Variants in CFAP300 observed in about 807,000 individuals in gnomAD.
CFAP300 encodes cilia and flagella associated protein 300, also known as cilia- and flagella-associated protein 300.
CFAP300 carries 32 observed loss-of-function variants against 33.0 expected under a neutral mutation model. The ratio of observed to expected loss-of-function variants is 0.97; its 90% CI spans 0.73 to 1.30. The LOEUF is 1.30. Among genes scored for constraint, CFAP300 ranks in the 50% most tolerant of loss-of-function variants. The probability of loss-of-function intolerance (pLI) is 0.00; values close to 1 mark genes in which losing one functional copy is unlikely to be tolerated. For synonymous variants in CFAP300, 102 were observed against 106.8 expected, an observed-to-expected ratio of 0.95 and a Z score of 0.28; for missense variants, 356 against 318.1, an observed-to-expected ratio of 1.12 and a Z score of -0.90.
At chr11:102,071,598 G>A (rs1450256034) in intron 4 of CFAP300, among the ~76,000 whole-genome samples, 4 of 152,032 alleles carry the variant, frequency 2.6e-5, no homozygotes, top group African/African-American at 7.2e-5. Flanking sequence ...TTCAAATTTT[G>A]CTTTCAGGTA....
intron 5 of CFAP300, among the ~76,000 whole-genome samples, chr11:102,080,409 A>ATTTG (rs892450200): frequency 1.3e-4 from 19 of 151,428 alleles, no homozygotes; most frequent in Admixed American, 1.1e-3. Flanking sequence ...GTTTTTTGGG[A>ATTTG]TTTGTTTGTT....
At chr11:102,047,720 C>A (rs1591311202) in intron 1 of CFAP300, 95 bp from the exon 2 acceptor site, 1 of 1,499,842 alleles carries the variant, frequency 6.7e-7, no homozygotes. Context: ...CCCGAACCAC[C>A]CGGGAAGGGC....
chr11:102,076,254 C>T (rs776784115), intron 5 of CFAP300: 3 of 442,414 alleles, frequency 6.8e-6, no homozygotes, highest in Non-Finnish European at 1.1e-5. Flanking sequence ...GTTCTCAGTC[C>T]CCTCATTCTT....
At chr11:102,079,206 T>G (rs933650061) in intron 5 of CFAP300, among the ~76,000 whole-genome samples, 1 of 152,222 alleles carries the variant, frequency 6.6e-6, no homozygotes, top group African/African-American at 2.4e-5. Context: ...TTATGTATGT[T>G]TATACCATAT....
intron 4 of CFAP300, among the ~76,000 whole-genome samples, chr11:102,074,879 G>T (rs554149603): frequency 6.6e-6 from 1 of 152,002 alleles, no homozygotes; most frequent in Non-Finnish European, 1.5e-5. Flanking sequence ...ATTTTGGGGG[G>T]TGGTTTTAGT....
Position 102,083,077 on chromosome 11 carries a change from G to T in CFAP300, c.682G>T (p.Ala228Ser). The T allele has an allele frequency of 7.0e-7, 1 of 1,429,718 alleles. No homozygotes were observed. Among genetic ancestry groups the T allele is most frequent in the South Asian group, 1.9e-5 (1 of 52,786 alleles). The allele number at this position is 1,429,718 out of a possible 1,614,324, so 88.6% of individuals were successfully genotyped here. The change falls in exon 7 of 7, where the codon GCT becomes TCT. Residue 228 changes from alanine to serine, a missense_variant. Ala to Ser is a moderately conservative substitution (Grantham distance 99, BLOSUM62 1). Transcript: ENST00000434758. ...SVFKVSAYDS[A>S]GMCYPSAKNH... Reference sequence around the variant, plus strand: ...TTAGGTTTGTCTTTTTCAGGATTCTGCTGGTATGTGCTATCCTTCAGCAAA... The same window carrying T: ...TTAGGTTTGTCTTTTTCAGGATTCTTCTGGTATGTGCTATCCTTCAGCAAA...
At chr11:102,057,075 C>A (rs1221875179) in intron 2 of CFAP300, among the ~76,000 whole-genome samples, 1 of 151,822 alleles carries the variant, frequency 6.6e-6, no homozygotes, top group Non-Finnish European at 1.5e-5. Flanking sequence ...CGGTGACTCA[C>A]GCCTGTAATC....
chr11:102,065,298 G>A (rs1942205745), intron 3 of CFAP300, among the ~76,000 whole-genome samples: 1 of 151,852 alleles, frequency 6.6e-6, no homozygotes, highest in Admixed American at 6.6e-5. Context: ...ATCCAGGCTG[G>A]TCTCGAACTC....
chr11:102,082,402 G>C, intron 6 of CFAP300, among the ~76,000 whole-genome samples: 1 of 151,166 alleles, frequency 6.6e-6, no homozygotes, highest in South Asian at 2.1e-4. Context: ...AAAAAAAAAA[G>C]AGAAAACAAA....
chr11:102,047,741 G>C, intron 1 of CFAP300, 74 bp from the exon 2 acceptor site: 3 of 1,550,246 alleles, frequency 1.9e-6, no homozygotes, highest in Non-Finnish European at 2.6e-6. Context: ...GGATGCTGTG[G>C]GTGGGATCGG....
intron 6 of CFAP300, among the ~76,000 whole-genome samples, chr11:102,082,604 C>T (rs932247153): frequency 6.6e-6 from 1 of 152,042 alleles, no homozygotes; most frequent in African/African-American, 2.4e-5. Context: ...TAATTAACTG[C>T]CAATTTATTG....
At chr11:102,079,090 A>T (rs74389435) in intron 5 of CFAP300, among the ~76,000 whole-genome samples, 6,336 of 152,314 alleles carry the variant, frequency 0.042, 212 homozygotes, top group Admixed American at 0.12. Flanking sequence ...AACTGATTTG[A>T]TGAACACTTT....
chr11:102,064,385 A>G (rs1297580162), intron 3 of CFAP300, among the ~76,000 whole-genome samples: 6 of 152,044 alleles, frequency 3.9e-5, no homozygotes, highest in Non-Finnish European at 8.8e-5. Context: ...TCCTCTTATC[A>G]TTTCCTATGG....
chr11:102,057,521 A>G (rs772968957), intron 2 of CFAP300, among the ~76,000 whole-genome samples: 6 of 151,578 alleles, frequency 4.0e-5, no homozygotes, highest in African/African-American at 7.3e-5. Context: ...CTCTCAGTCT[A>G]TTATTTTTCT....
chr11:102,083,173 T>C lies in CFAP300; in HGVS notation c.778T>C (p.Cys260Arg), dbSNP rs770974418. 2.6e-6 allele frequency: 4 copies of C among 1,537,778 alleles called. No individual in the cohort carries two copies. The highest frequency in any genetic ancestry group is 3.5e-6 in the Non-Finnish European group (4 of 1,138,250). Reference sequence around the variant, plus strand: ...GCGTCACCTTCATGTTTTATACCACTGTTATGGTGTGGGAGACATGTCTTA... The same window carrying C: ...GCGTCACCTTCATGTTTTATACCACCGTTATGGTGTGGGAGACATGTCTTA... ...IRRHLHVLYH[C>R]YGVGDMS Residue 260 changes from cysteine to arginine, a missense_variant, in exon 7 of 7, where the codon TGT becomes CGT. By Grantham distance (180) the Cys-to-Arg change is radical. Coordinates refer to ENST00000434758, the MANE Select transcript of CFAP300 (RefSeq NM_032930.3).
chr11:102,047,868 A>T lies in CFAP300; in HGVS notation c.164A>T (p.Gln55Leu), dbSNP rs756334301. ...GCGTTCGGCTTTGACCAGACCTTTC[A>T]GTCCTATCGGAAGGATGATTTCGTT... The part of the protein sequence containing the change: ...AQAFGFDQTF[Q>L]SYRKDDFVMA... Residue 55 changes from glutamine (Q) to leucine (L), a missense_variant, in exon 2 of 7, where the codon CAG becomes CTG. Transcript: ENST00000434758. 1 of 1,614,160 alleles carries T rather than the reference A, an allele frequency of 6.2e-7. No homozygotes were observed. The highest frequency in any genetic ancestry group is 1.1e-5 in the South Asian group (1 of 91,072).
intron 4 of CFAP300, among the ~76,000 whole-genome samples, chr11:102,068,768 AAG>A (rs1183628567): frequency 1.3e-5 from 2 of 152,192 alleles, no homozygotes; most frequent in Non-Finnish European, 2.9e-5. Flanking sequence ...GCCTAGGTGA[AAG>A]AGCAAGATTT....
At chr11:102,081,714 A>T (rs1942475760) in intron 6 of CFAP300, among the ~76,000 whole-genome samples, 1 of 152,026 alleles carries the variant, frequency 6.6e-6, no homozygotes, top group Admixed American at 6.6e-5. Flanking sequence ...AACACTGTGA[A>T]ACCCCGTCTC....
chr11:102,055,829 C>G (rs565642253), intron 2 of CFAP300, among the ~76,000 whole-genome samples: 2 of 151,936 alleles, frequency 1.3e-5, no homozygotes, highest in African/African-American at 4.8e-5. Flanking sequence ...CCCGCCACCA[C>G]GCCCAGATAA....
Sources: gnomAD v4.1 joint callset for allele counts (sites outside exome capture counted in the v4.1 genomes callset) on GRCh38, gnomAD v4.1.1 for gene constraint, MANE v1.5 for transcripts, NCBI Gene and HGNC (gene_info 2026-07-23, HGNC 2026-07-21) for gene names.